EPHB4: variants seen among roughly 807,000 people sequenced by gnomAD.
EPHB4 encodes the protein EPH receptor B4, also known as ephrin type-B receptor 4.
Under a neutral mutation model 110.6 loss-of-function variants are expected in EPHB4, and 50 were observed. The ratio of observed to expected loss-of-function variants is 0.45; its 90% CI spans 0.36 to 0.57. The LOEUF is 0.57. EPHB4 is among the 20% of genes least tolerant of loss of function. The probability of loss-of-function intolerance (pLI) is 0.00; values close to 1 mark genes in which losing one functional copy is unlikely to be tolerated. For missense variants in EPHB4, 1,128 were observed against 1,382.1 expected (o/e 0.82, Z 2.91); for synonymous variants, 592 against 578.4 (o/e 1.02, Z -0.34).
At chr7:100,821,962 A>G (rs1317346546) in intron 4 of EPHB4, among the ~76,000 whole-genome samples, 1 of 151,996 alleles carries the variant, frequency 6.6e-6, no homozygotes, top group Non-Finnish European at 1.5e-5. Flanking sequence ...GGAGTTCGAG[A>G]CCAGCCTGGC....
Position 100,807,450 on chromosome 7 carries a change from C to T in EPHB4, c.2249G>A (p.Ser750Asn), listed in dbSNP as rs1812840804. 2 of 1,613,870 alleles carry T rather than the reference C, an allele frequency of 1.2e-6. No individual in the cohort carries two copies. Among genetic ancestry groups the T allele is most frequent in the Non-Finnish European group, 1.7e-6 (2 of 1,180,000 alleles). Residue 750 changes from serine (S) to asparagine (N), a missense_variant, in exon 13 of 17, where the codon AGC becomes AAC. Ser to Asn is a conservative substitution (Grantham distance 46). Transcript: ENST00000358173. ...GTCAGACACTTTGCAGACGAGGTTG[C>T]TGTTGACTAGGATGTTGCGAGCAGC... is the stretch of plus-strand genomic sequence containing the variant. ...DLAARNILVN[S>N]NLVCKVSDFG... is the part of the protein sequence containing the mutation.
chr7:100,824,250 C>T lies in EPHB4; in HGVS notation c.76G>A (p.Glu26Lys). Residue 26 changes from glutamate to lysine, a missense_variant, in exon 2 of 17, where the codon GAA becomes AAA. By Grantham distance (56) the Glu-to-Lys change is moderately conservative (BLOSUM62 1). This residue lies in a region of EPHB4 where 728 missense variants were observed against 828.6 expected (regional missense o/e 0.88). Transcript: ENST00000358173. ...GTCACCCACTTCAGATCAGCAGTTT[C>T]CAATTTTGTGTTCAGCAGGGTCTCT... ...LEETLLNTKL[E>K]TADLKWVTFP... 6.2e-7 allele frequency: 1 copy of T among 1,614,100 alleles called. No individual in the cohort carries two copies. Among genetic ancestry groups the T allele is most frequent in the South Asian group, 1.1e-5 (1 of 91,086 alleles).
chr7:100,805,668 G>T lies in EPHB4; in HGVS notation c.2511C>A (p.Tyr837Ter). The change falls in exon 15 of 17, where the codon TAC (tyrosine) becomes TAA (stop). Residue 837 changes from tyrosine to a stop codon, truncating the protein, a stop_gained. Transcript: ENST00000358173. LOFTEE classifies it high-confidence loss of function. ...GACAGTCTGGGGGCGGGGGCAGCCG[G>T]TAGTCCTGTTCAATGGCATTGATCA... ...QDVINAIEQDYRLPPPPDCPT... is the reference protein window; with the variant it reads ...QDVINAIEQD 6.5e-7 allele frequency: 1 copy of T among 1,527,340 alleles called. No homozygotes were observed. Among genetic ancestry groups the T allele is most frequent in the Non-Finnish European group, 8.8e-7 (1 of 1,139,668 alleles). The allele number at this position is 1,527,340 out of a possible 1,614,324, so 94.6% of individuals were successfully genotyped here. A position where few individuals can be genotyped will look rare whatever the true frequency, so the allele number is the denominator to read the frequency against.
intron 1 of EPHB4, chr7:100,826,751 G>T (rs1315314180): frequency 4.3e-6 from 2 of 466,160 alleles, no homozygotes; most frequent in Non-Finnish European, 3.8e-6. Context: ...GGAATGTCCC[G>T]GGTCGTAGCC....
chr7:100,817,262 C>T lies in EPHB4; in HGVS notation c.1518G>A (p.Gln506=), dbSNP rs1348039875. The T allele has an allele frequency of 1.2e-6, 2 of 1,607,360 alleles. No individual in the cohort carries two copies. Among genetic ancestry groups the T allele is most frequent in the Non-Finnish European group, 1.7e-6 (2 of 1,177,742 alleles). Reference sequence around the variant, plus strand: ...AGCCGGCCTCAGAGCGCGCCCGTACCTGCACCAGGTAGCTGGCTCCCCGCT... The same window carrying T: ...AGCCGGCCTCAGAGCGCGCCCGTACTTGCACCAGGTAGCTGGCTCCCCGCT... ...GLKRGASYLV[Q]VRARSEAGYG... Residue 506 remains glutamine (Q), a synonymous_variant, in exon 8 of 17, where the codon CAG becomes CAA. Coordinates refer to ENST00000358173, the MANE Select transcript of EPHB4 (RefSeq NM_004444.5).
At position 100,827,501 on chromosome 7, in the gene EPHB4, A is replaced by T. The variant is rs889044710; in HGVS notation, c.-471T>A. 15 of 147,908 alleles carry T rather than the reference A, an allele frequency of 1.0e-4. No individual in the cohort carries two copies. Among genetic ancestry groups the T allele is most frequent in the African/African-American group, 3.5e-4 (14 of 40,096 alleles). 9.2% of individuals were successfully genotyped at this position (147,908 alleles called of 1,614,324 possible). A position where few individuals can be genotyped will look rare whatever the true frequency, so the allele number is the denominator to read the frequency against. ...CGGAGCCGGGCGGGCCGGGCCGGGC[A>T]GGGGCTGAGCTGCGCTGGAACTGGG... On this transcript the variant is annotated 5_prime_UTR_variant, in exon 1 of 17. Transcript: ENST00000358173.
chr7:100,817,447 T>C, intron 7 of EPHB4, 90 bp from the exon 8 acceptor site: 1 of 1,413,662 alleles, frequency 7.1e-7, no homozygotes, highest in Non-Finnish European at 9.3e-7. Flanking sequence ...TCCACTCCCA[T>C]CACTAGCCTG....
At chr7:100,815,165 C>CA (rs1178544738) in intron 8 of EPHB4, among the ~76,000 whole-genome samples, 2 of 150,698 alleles carry the variant, frequency 1.3e-5, no homozygotes, top group African/African-American at 2.4e-5. Flanking sequence ...CAAAAAATAC[C>CA]AAAAAAAATT....
At chr7:100,823,221 AGGTGGCACAGGCAAGATCTC>A (rs1253348047) in intron 3 of EPHB4, among the ~76,000 whole-genome samples, 1 of 152,176 alleles carries the variant, frequency 6.6e-6, no homozygotes. Flanking sequence ...GAGTCAGCCA[AGGTGGCACAGGCAAGATCTC>A]GGGAGCTGGA....
At chr7:100,807,808 T>C (rs1323952700) in intron 12 of EPHB4, among the ~76,000 whole-genome samples, 1 of 152,118 alleles carries the variant, frequency 6.6e-6, no homozygotes, top group African/African-American at 2.4e-5. Context: ...TTTTAATTTT[T>C]AGTAGAGATA....
In EPHB4 at chr7:100,827,000, A is replaced by T. The variant is rs1391140257; in HGVS notation, c.31T>A (p.Ser11Thr). 21 of 1,576,634 alleles carry T rather than the reference A, an allele frequency of 1.3e-5. No individual in the cohort carries two copies. The South Asian group carries it at 2.3e-4, about 17-fold the overall frequency. Residue 11 changes from serine to threonine, a missense_variant, in exon 1 of 17, where the codon TCG (serine) becomes ACG (threonine). Transcript: ENST00000358173. The part of the protein sequence containing the change: MELRVLLCWA[S>T]LAAALEETLL... ...TCACCTTCCAAAGCTGCGGCCAACG[A>T]AGCCCAGCAGAGCAGCACCCGGAGC...
In EPHB4 at chr7:100,812,983, C is replaced by T. The variant is rs1233930784; in HGVS notation, c.1882G>A (p.Glu628Lys). Residue 628 changes from glutamate (E) to lysine (K), a missense_variant, in exon 12 of 17, where the codon GAG becomes AAG. By Grantham distance (56) the Glu-to-Lys change is moderately conservative (BLOSUM62 1). Around this residue, in one of 3 missense-constraint regions of EPHB4, gnomAD observed 191 missense variants for 313.0 expected, o/e 0.61. Coordinates refer to ENST00000358173, the MANE Select transcript of EPHB4 (RefSeq NM_004444.5). ...GCCTTGAGCCGCCCCCGGCACACCT[C>T]GCCAAACTCACCTTCAAACAAGGAC... Reference protein sequence around the residue: ...EEVIGAGEFGEVCRGRLKAPG... With the variant: ...EEVIGAGEFGKVCRGRLKAPG... 2 of 1,613,652 alleles carry T rather than the reference C, an allele frequency of 1.2e-6. No individual in the cohort carries two copies. Among genetic ancestry groups the T allele is most frequent in the East Asian group, 2.2e-5 (1 of 44,876 alleles).
chr7:100,820,128 G>A lies in EPHB4; in HGVS notation c.964+13C>T, dbSNP rs1339328819. The A allele has an allele frequency of 6.2e-7, 1 of 1,612,684 alleles. No individual in the cohort carries two copies. Among genetic ancestry groups the A allele is most frequent in the Non-Finnish European group, 8.5e-7 (1 of 1,179,522 alleles). Reference sequence around the variant, plus strand: ...CCTCCCCAGTGAACTGCACCTGGGTGCTGGTCACTTACTGGTGCAGGGTGC... The same window carrying A: ...CCTCCCCAGTGAACTGCACCTGGGTACTGGTCACTTACTGGTGCAGGGTGC... On this transcript the variant is annotated intron_variant, in intron 5 of 16. Coordinates refer to ENST00000358173, the MANE Select transcript of EPHB4 (RefSeq NM_004444.5).
chr7:100,808,179 CA>C (rs1812856166), intron 12 of EPHB4, among the ~76,000 whole-genome samples: 1 of 152,210 alleles, frequency 6.6e-6, no homozygotes, highest in African/African-American at 2.4e-5. Context: ...TAACCTGGTA[CA>C]CTGCTTTATA....
chr7:100,811,432 A>G (rs539215584), intron 12 of EPHB4, among the ~76,000 whole-genome samples: 2 of 152,192 alleles, frequency 1.3e-5, no homozygotes, highest in Admixed American at 6.5e-5. Context: ...CTGTCTATTT[A>G]CTTGCTAATT....
At chr7:100,823,166 G>A (rs1320915496) in intron 3 of EPHB4, among the ~76,000 whole-genome samples, 2 of 152,174 alleles carry the variant, frequency 1.3e-5, no homozygotes, top group African/African-American at 2.4e-5. Flanking sequence ...AATGAGTGCC[G>A]AGACAGGCAG....
chr7:100,815,265 G>C (rs994875160), intron 8 of EPHB4, among the ~76,000 whole-genome samples: 2 of 151,638 alleles, frequency 1.3e-5, no homozygotes, highest in African/African-American at 4.8e-5. Flanking sequence ...TGAGGCTGCA[G>C]TGAGCTGTAA....
chr7:100,823,039 AC>A (rs1237646055), intron 3 of EPHB4, among the ~76,000 whole-genome samples: 3 of 152,136 alleles, frequency 2.0e-5, no homozygotes, highest in African/African-American at 7.2e-5. Flanking sequence ...TAATCCCAGC[AC>A]TTTAGGAGGC....
At chr7:100,816,764 T>C (rs314363) in intron 8 of EPHB4, among the ~76,000 whole-genome samples, 21,227 of 151,986 alleles carry the variant, frequency 0.14, 1,889 homozygotes, top group Non-Finnish European at 0.21. Flanking sequence ...GGGCATGCCA[T>C]GTGATCCACA....
Sources: allele counts gnomAD v4.1 joint callset (sites outside exome capture counted in the v4.1 genomes callset), GRCh38; gene constraint gnomAD v4.1.1; regional missense constraint gnomAD v4.1.1; transcripts MANE v1.5; gene names NCBI Gene and HGNC (gene_info 2026-07-23, HGNC 2026-07-21).